OPCML: variants seen among roughly 807,000 people sequenced by gnomAD.
OPCML encodes the protein opioid-binding protein/cell adhesion molecule.
Under a neutral mutation model 37.8 loss-of-function variants are expected in OPCML, and 13 were observed. The observed-to-expected ratio is 0.34, with a 90% CI of 0.22 to 0.55. OPCML has a LOEUF of 0.55. OPCML is among the 20% of genes least tolerant of loss of function. The pLI is 0.91. For synonymous variants in OPCML, 176 were observed against 168.8 expected (o/e 1.04, Z -0.33); for missense variants, 341 against 435.6 (o/e 0.78, Z 1.93).
intron 2 of OPCML, among the ~76,000 whole-genome samples, chr11:132,759,033 G>A (rs1946166360): frequency 6.6e-6 from 1 of 152,092 alleles, no homozygotes; most frequent in South Asian, 2.1e-4. Context: ...TTTGTCAAAG[G>A]CCTTTTCTGC....
chr11:132,541,895 T>G (rs2096357511), intron 3 of OPCML, among the ~76,000 whole-genome samples: 2 of 152,158 alleles, frequency 1.3e-5, no homozygotes, highest in Non-Finnish European at 2.9e-5. Flanking sequence ...AAGAGAAGTC[T>G]TGCAAGGTTT....
chr11:132,602,627 A>G (rs1026257577), intron 3 of OPCML, among the ~76,000 whole-genome samples: 1 of 152,164 alleles, frequency 6.6e-6, no homozygotes, highest in African/African-American at 2.4e-5. Context: ...TTGCATTTTA[A>G]AAGCATTTCT....
chr11:133,055,004 C>T (rs1948202465), intron 1 of OPCML, among the ~76,000 whole-genome samples: 1 of 149,922 alleles, frequency 6.7e-6, no homozygotes, highest in Non-Finnish European at 1.5e-5. Flanking sequence ...CTCCATGATA[C>T]TTCCAAGTAG....
chr11:133,202,554 C>T (rs1238536766), intron 1 of OPCML, among the ~76,000 whole-genome samples: 1 of 152,238 alleles, frequency 6.6e-6, no homozygotes, highest in Non-Finnish European at 1.5e-5. Flanking sequence ...CAGTCTCGCC[C>T]TCCCTCATTT....
intron 2 of OPCML, among the ~76,000 whole-genome samples, chr11:132,736,297 C>T (rs1404610551): frequency 6.6e-6 from 1 of 152,158 alleles, no homozygotes; most frequent in Non-Finnish European, 1.5e-5. Context: ...ACTGAAGGAC[C>T]ATCATCCTCA....
intron 1 of OPCML, among the ~76,000 whole-genome samples, chr11:133,183,623 G>C (rs552960135): frequency 2.6e-5 from 4 of 152,006 alleles, no homozygotes; most frequent in African/African-American, 7.3e-5. Flanking sequence ...CTAAATTTTC[G>C]AGAGTGTATT....
rs115939389 is a variant in OPCML, at chr11:132,545,722, A to G, written c.380-16536T>C. Among the ~76,000 whole-genome samples, 931 of 152,314 alleles carry G rather than the reference A, an allele frequency of 6.1e-3. 14 individuals carry two copies. Among genetic ancestry groups the G allele is most frequent in the African/African-American group, 0.021 (882 of 41,574 alleles). ...TCCTAAGACAAAGGTAGCAGAGTAT[A>G]TATACTGTTGTTCTCATATTTAAAG... On this transcript the variant is annotated intron_variant, in intron 3 of 7. Coordinates refer to ENST00000524381, the MANE Select transcript of OPCML (RefSeq NM_001012393.5).
intron 2 of OPCML, among the ~76,000 whole-genome samples, chr11:132,855,735 C>A (rs1359770595): frequency 6.6e-6 from 1 of 152,192 alleles, no homozygotes. Flanking sequence ...AACCACCAAC[C>A]TAATCCATCC....
intron 3 of OPCML, among the ~76,000 whole-genome samples, chr11:132,581,716 G>GA (rs2096462385): frequency 6.6e-6 from 1 of 152,068 alleles, no homozygotes; most frequent in Non-Finnish European, 1.5e-5. Context: ...TTTAGGTAGA[G>GA]AAAACTTTTT....
At chr11:132,651,297 C>T (rs1941416711) in intron 3 of OPCML, among the ~76,000 whole-genome samples, 1 of 152,210 alleles carries the variant, frequency 6.6e-6, no homozygotes, top group South Asian at 2.1e-4. Flanking sequence ...GGACAAATCA[C>T]TTCCAAGTCT....
In OPCML at chr11:133,024,814, C is replaced by T. The variant is rs566531235; in HGVS notation, c.62-81804G>A. The stretch of plus-strand genomic sequence containing the variant: ...TGACTCTCCCAGGACTCAGTTCTAT[C>T]ACTGCCTGGGTGACCTGGTGAGGGA... On this transcript the variant is annotated intron_variant, in intron 1 of 7. Coordinates refer to ENST00000524381, the MANE Select transcript of OPCML (RefSeq NM_001012393.5). The T allele has an allele frequency of 9.3e-5, 92 of 985,404 alleles. No individual in the cohort carries two copies. The African/African-American group carries it at 1.5e-3, about 16-fold the overall frequency. 61.0% of individuals were successfully genotyped at this position (985,404 alleles called of 1,614,324 possible). A position where few individuals can be genotyped will look rare whatever the true frequency, so the allele number is the denominator to read the frequency against.
intron 4 of OPCML, among the ~76,000 whole-genome samples, chr11:132,496,796 T>G (rs1044232465): frequency 2.0e-5 from 3 of 152,204 alleles, no homozygotes; most frequent in Non-Finnish European, 4.4e-5. Flanking sequence ...CAGGTTGCTC[T>G]CAGATAGATA....
At chr11:132,994,351 C>A (rs1946840818) in intron 1 of OPCML, among the ~76,000 whole-genome samples, 1 of 152,136 alleles carries the variant, frequency 6.6e-6, no homozygotes, top group South Asian at 2.1e-4. Flanking sequence ...ACTAAACCTA[C>A]CAGGTCAGCG....
chr11:133,033,194 T>C (rs1035632435), intron 1 of OPCML, among the ~76,000 whole-genome samples: 2 of 152,218 alleles, frequency 1.3e-5, no homozygotes, highest in Non-Finnish European at 2.9e-5. Flanking sequence ...TTGAGTCTTG[T>C]AGGTTGAAGA....
At chr11:133,023,896 C>A (rs1947499207) in intron 1 of OPCML, among the ~76,000 whole-genome samples, 1 of 152,170 alleles carries the variant, frequency 6.6e-6, no homozygotes, top group South Asian at 2.1e-4. Flanking sequence ...GAGTTTCATT[C>A]TGTGGGTGGC....
chr11:133,245,451 A>G (rs981973478), intron 1 of OPCML, among the ~76,000 whole-genome samples: 2 of 152,178 alleles, frequency 1.3e-5, no homozygotes, highest in African/African-American at 4.8e-5. Flanking sequence ...ATGGTGAGAG[A>G]AGCCATCTGG....
Position 133,173,769 on chromosome 11 carries a change from A to G in OPCML, c.62-230759T>C, listed in dbSNP as rs778600173. On this transcript the variant is annotated intron_variant, in intron 1 of 7. Coordinates refer to ENST00000524381, the MANE Select transcript of OPCML (RefSeq NM_001012393.5). This position sits in a 1 kb window ranked among gnomAD's most constrained non-coding sequence, Gnocchi z 7.8. ...GCATAAGTAAAGAAAAAATAGAATT[A>G]CGTTTTTCTCTTTTTCCCCATCCCA... Among the ~76,000 whole-genome samples, 1 of 152,220 alleles carries G rather than the reference A, an allele frequency of 6.6e-6. No homozygotes were observed. Among genetic ancestry groups the G allele is most frequent in the East Asian group, 1.9e-4 (1 of 5,194 alleles).
chr11:133,095,543 G>A (rs2137060971), intron 1 of OPCML, among the ~76,000 whole-genome samples: 1 of 147,618 alleles, frequency 6.8e-6, no homozygotes, highest in South Asian at 2.3e-4. Context: ...AATGCAGAAA[G>A]CTTACCTATT....
intron 2 of OPCML, among the ~76,000 whole-genome samples, chr11:132,661,910 A>C (rs1941991540): frequency 6.6e-6 from 1 of 152,200 alleles, no homozygotes; most frequent in Admixed American, 6.5e-5. Flanking sequence ...GATAAGAAAA[A>C]AGGAAAGCTA....
Sources: gnomAD v4.1 joint callset for allele counts (sites outside exome capture counted in the v4.1 genomes callset) on GRCh38, gnomAD v4.1.1 for gene constraint, Gnocchi (gnomAD v3.1) non-coding constraint, MANE v1.5 for transcripts, NCBI Gene and HGNC (gene_info 2026-07-23, HGNC 2026-07-21) for gene names.